Variants in DZANK1 observed in about 807,000 individuals in gnomAD.
The protein encoded by DZANK1 is double zinc ribbon and ankyrin repeat domains 1.
Under a neutral mutation model 94.5 loss-of-function variants are expected in DZANK1, and 91 were observed. That is an observed-to-expected ratio of 0.96 (90% CI 0.81 to 1.15). The LOEUF (loss-of-function observed/expected upper bound fraction) is 1.15, where lower values mean the gene tolerates loss of function less well. Ranked by LOEUF, DZANK1 falls within the 50% of genes most tolerant of loss-of-function variation. DZANK1 has a pLI of 0.00. For missense variants in DZANK1, 903 were observed against 916.4 expected (o/e 0.99, Z 0.19); for synonymous variants, 312 against 325.3 (o/e 0.96, Z 0.44).
At chr20:18,426,982 C>A in intron 10 of DZANK1, 85 bp downstream of exon 10, 2 of 1,012,338 alleles carry the variant, frequency 2.0e-6, no homozygotes, top group Non-Finnish European at 2.8e-6. Flanking sequence ...CTCCCCAACC[C>A]CCTCGGCAGA....
intron 13 of DZANK1, among the ~76,000 whole-genome samples, chr20:18,398,994 T>C (rs929080215): frequency 6.6e-6 from 1 of 152,014 alleles, no homozygotes; most frequent in Non-Finnish European, 1.5e-5. Context: ...TAGCCGAGCA[T>C]GGTGGCGTGC....
intron 14 of DZANK1, among the ~76,000 whole-genome samples, chr20:18,397,065 T>C (rs1419526422): frequency 2.0e-5 from 3 of 152,230 alleles, no homozygotes; most frequent in East Asian, 3.8e-4. Context: ...GACCATATGT[T>C]CTGTATTGTG....
chr20:18,425,841 G>C (rs56313820), intron 10 of DZANK1, among the ~76,000 whole-genome samples: 53,148 of 152,054 alleles, frequency 0.35, 10,249 homozygotes, highest in Non-Finnish European at 0.44. Flanking sequence ...CTGGAGTGCT[G>C]CATCTAGAAG....
intron 6 of DZANK1, among the ~76,000 whole-genome samples, chr20:18,452,323 G>A (rs574289244): frequency 4.6e-5 from 7 of 152,194 alleles, no homozygotes; most frequent in African/African-American, 1.4e-4. Flanking sequence ...TCTGGGGATC[G>A]CCTCTGAGAA....
Position 18,463,958 on chromosome 20 carries a change from T to C in DZANK1, c.109+1292A>G, listed in dbSNP as rs143498953. Among the ~76,000 whole-genome samples the C allele has an allele frequency of 2.6e-3, 395 of 152,278 alleles. 7 individuals are homozygous for C. The highest frequency in any genetic ancestry group is 0.022 in the Admixed American group (332 of 15,298). On this transcript the variant is annotated intron_variant, in intron 2 of 20. Coordinates refer to ENST00000262547, the Ensembl canonical transcript of DZANK1. Reference sequence around the variant, plus strand: ...TTACCTGTGAAACTTTCCTTCCTTATGTTAATTATATATGTGTATGTATAT... The same window carrying C: ...TTACCTGTGAAACTTTCCTTCCTTACGTTAATTATATATGTGTATGTATAT...
At chr20:18,427,111 T>C in exon 10 of DZANK1, 1 of 1,613,220 alleles carries the variant, frequency 6.2e-7, no homozygotes, top group Non-Finnish European at 8.5e-7. Context: ...ACACAGTATC[T>C]CAGGTGAGCA....
intron 10 of DZANK1, among the ~76,000 whole-genome samples, chr20:18,422,884 T>C (rs1374380267): frequency 6.6e-6 from 1 of 151,710 alleles, no homozygotes; most frequent in East Asian, 1.9e-4. Context: ...TTTCTATTTC[T>C]GTGAAAAATG....
In DZANK1 at chr20:18,452,643, C is replaced by G. The variant is rs777606287; in HGVS notation, c.515G>C (p.Gly172Ala). The stretch of plus-strand genomic sequence containing the variant: ...GGACTGGCGGGTGGGTGGTCTAGAA[C>G]CTGATCCTCCACCATAAGCTGGGAT... The change falls in exon 6 of 21, where the codon GGT (glycine) becomes GCT (alanine). Residue 172 changes from glycine (G) to alanine (A), a missense_variant. Gly to Ala is a moderately conservative substitution (Grantham distance 60, BLOSUM62 0). Coordinates refer to ENST00000262547, the Ensembl canonical transcript of DZANK1. The G allele has an allele frequency of 4.4e-6, 7 of 1,597,224 alleles. No individual in the cohort carries two copies. The Admixed American group carries it at 1.2e-4, about 28-fold the overall frequency.
intron 7 of DZANK1, among the ~76,000 whole-genome samples, chr20:18,447,397 C>T (rs888424890): frequency 2.6e-5 from 4 of 152,224 alleles, no homozygotes; most frequent in African/African-American, 9.6e-5. Context: ...TCTTGGCTCA[C>T]TGCAACCTCC....
intron 8 of DZANK1, chr20:18,434,011 C>T (rs1295356463): frequency 4.6e-6 from 2 of 434,788 alleles, no homozygotes; most frequent in South Asian, 3.9e-5. Flanking sequence ...TCTGATTTGA[C>T]CACTACACAT....
chr20:18,443,208 T>G, intron 8 of DZANK1, 139 bp downstream of exon 8: 1 of 658,640 alleles, frequency 1.5e-6, no homozygotes, highest in Non-Finnish European at 2.7e-6. Context: ...TAAGTAGGAG[T>G]GTGTAAGAGT....
At chr20:18,408,393 A>C (rs1218105676) in intron 13 of DZANK1, among the ~76,000 whole-genome samples, 1 of 152,248 alleles carries the variant, frequency 6.6e-6, no homozygotes, top group Non-Finnish European at 1.5e-5. Context: ...AACTATCAAC[A>C]TTCAAGTACA....
chr20:18,456,172 G>C (rs1294170406), intron 3 of DZANK1, among the ~76,000 whole-genome samples: 1 of 152,166 alleles, frequency 6.6e-6, no homozygotes, highest in Non-Finnish European at 1.5e-5. Flanking sequence ...CATTCCACAT[G>C]AATCAAGAGC....
At chr20:18,440,533 C>T (rs2058684900) in intron 8 of DZANK1, among the ~76,000 whole-genome samples, 1 of 152,172 alleles carries the variant, frequency 6.6e-6, no homozygotes, top group South Asian at 2.1e-4. Flanking sequence ...GTTATTTCCT[C>T]CTGGATCACA....
intron 3 of DZANK1, among the ~76,000 whole-genome samples, chr20:18,458,512 T>C (rs940126965): frequency 2.0e-5 from 3 of 152,248 alleles, no homozygotes; most frequent in Admixed American, 2.0e-4. Context: ...TTAAAACTTC[T>C]ATGTTGTTTA....
chr20:18,433,390 A>C, intron 9 of DZANK1: 1 of 365,884 alleles, frequency 2.7e-6, no homozygotes, highest in Non-Finnish European at 5.1e-6. Flanking sequence ...AAAAATATAA[A>C]AATTAGCCAT....
At chr20:18,398,084 C>A (rs1380220615) in intron 14 of DZANK1, among the ~76,000 whole-genome samples, 1 of 152,174 alleles carries the variant, frequency 6.6e-6, no homozygotes, top group Admixed American at 6.5e-5. Context: ...AAAGGTAATA[C>A]ACCTCCCTTG....
intron 17 of DZANK1, among the ~76,000 whole-genome samples, chr20:18,392,427 C>T (rs1186817818): frequency 6.6e-6 from 1 of 152,218 alleles, no homozygotes; most frequent in Admixed American, 6.5e-5. Flanking sequence ...AGCTGGGCAG[C>T]TAGTGCACTG....
chr20:18,452,070 GGT>G (rs1491431127), intron 6 of DZANK1: 86 of 198,400 alleles, frequency 4.3e-4, no homozygotes, highest in Non-Finnish European at 5.3e-4. Flanking sequence ...ATTTAGGGGT[GGT>G]TTTTTTTTTT....
Sources: allele counts gnomAD v4.1 joint callset (sites outside exome capture counted in the v4.1 genomes callset), GRCh38; gene constraint gnomAD v4.1.1; transcripts MANE v1.5; gene names NCBI Gene and HGNC (gene_info 2026-07-23, HGNC 2026-07-21).